Variants in DGKI observed in about 807,000 individuals in gnomAD.
DGKI encodes the protein DAG kinase iota.
Under a neutral mutation model 147.5 loss-of-function variants are expected in DGKI, and 55 were observed. That is an observed-to-expected ratio of 0.37 (90% confidence interval 0.30 to 0.47). DGKI has a LOEUF of 0.47. DGKI is among the 20% of genes least tolerant of loss of function. The pLI, the probability that DGKI is intolerant of heterozygous loss-of-function variation, is 1.00. For synonymous variants in DGKI, 469 were observed against 477.1 expected (o/e 0.98, Z 0.22); for missense variants, 1,007 against 1,323.8 (o/e 0.76, Z 3.71).
At chr7:137,584,345 G>C (rs1470044805) in intron 14 of DGKI, among the ~76,000 whole-genome samples, 2 of 152,160 alleles carry the variant, frequency 1.3e-5, no homozygotes, top group Non-Finnish European at 2.9e-5. Flanking sequence ...GAGGGAAGTG[G>C]CTACTCAGAA....
At chr7:137,729,071 G>A (rs3800639) in intron 1 of DGKI, among the ~76,000 whole-genome samples, 34,467 of 151,886 alleles carry the variant, frequency 0.23, 7,346 homozygotes, top group African/African-American at 0.56. Context: ...CAAAAAAGAT[G>A]GCTGTTCATA....
At chr7:137,399,249 C>T (rs1227918373) in intron 30 of DGKI, among the ~76,000 whole-genome samples, 2 of 152,108 alleles carry the variant, frequency 1.3e-5, no homozygotes, top group African/African-American at 2.4e-5. Context: ...TGAATGCATG[C>T]CTTCCATAAA....
intron 1 of DGKI, among the ~76,000 whole-genome samples, chr7:137,763,267 T>C (rs1036604683): frequency 3.3e-5 from 5 of 152,234 alleles, no homozygotes; most frequent in African/African-American, 1.2e-4. Flanking sequence ...TCTGACTATC[T>C]GACTGTCCTA....
chr7:137,567,784 GTTA>G (rs1352527473), intron 19 of DGKI, among the ~76,000 whole-genome samples: 2 of 152,056 alleles, frequency 1.3e-5, no homozygotes, highest in African/African-American at 4.8e-5. Flanking sequence ...ATAATATACT[GTTA>G]TTGTGGTTGT....
At chr7:137,582,434 C>CTCTCTATA (rs954743154) in intron 14 of DGKI, among the ~76,000 whole-genome samples, 165 of 148,432 alleles carry the variant, frequency 1.1e-3, no homozygotes, top group African/African-American at 3.7e-3. Flanking sequence ...CTCTCTCTCT[C>CTCTCTATA]TATATATATA....
At chr7:137,415,883 G>C (rs1247540265) in intron 28 of DGKI, among the ~76,000 whole-genome samples, 1 of 152,106 alleles carries the variant, frequency 6.6e-6, no homozygotes, top group Non-Finnish European at 1.5e-5. Context: ...CAGCTACTCA[G>C]GAGGCTGAGG....
intron 27 of DGKI, among the ~76,000 whole-genome samples, chr7:137,449,811 T>C (rs1353576972): frequency 1.3e-5 from 2 of 152,224 alleles, no homozygotes; most frequent in Non-Finnish European, 2.9e-5. Context: ...GAAACCAGCA[T>C]GCTGAAAAGA....
intron 3 of DGKI, among the ~76,000 whole-genome samples, chr7:137,675,421 A>G (rs1622443): frequency 0.41 from 59,258 of 145,896 alleles, 12,038 homozygotes; most frequent in African/African-American, 0.58. Context: ...GTGGTAGCTC[A>G]TGCCTGTAAT....
chr7:137,796,498 T>TA (rs112496670), intron 1 of DGKI, among the ~76,000 whole-genome samples: 35 of 142,424 alleles, frequency 2.5e-4, no homozygotes, highest in East Asian at 1.0e-3. Flanking sequence ...AAACTCCATT[T>TA]AAAAAAAAAA....
chr7:137,678,697 GA>G, intron 2 of DGKI, 45 bp from the exon 3 acceptor site: 1 of 1,540,258 alleles, frequency 6.5e-7, no homozygotes, highest in Non-Finnish European at 9.0e-7. Flanking sequence ...TTTTTCCAGG[GA>G]TAAGGAAAAC....
chr7:137,715,804 A>C (rs1417897051), intron 1 of DGKI, among the ~76,000 whole-genome samples: 3 of 152,192 alleles, frequency 2.0e-5, no homozygotes, highest in Non-Finnish European at 4.4e-5. Flanking sequence ...GTATTGTCTC[A>C]GAAAGGGAGT....
intron 1 of DGKI, among the ~76,000 whole-genome samples, chr7:137,792,790 A>G (rs1365738355): frequency 2.0e-5 from 3 of 152,162 alleles, no homozygotes; most frequent in Admixed American, 6.5e-5. Context: ...CTCTTTCACC[A>G]TGTGACATGT....
chr7:137,412,151 T>C lies in DGKI; in HGVS notation c.2799+19A>G, dbSNP rs750746689. ...AGTTCTTAAAGCATCGCCAAAGATT[T>C]GGTAGGAAGATATCTTACCTTCATA... On this transcript the variant is annotated intron_variant, in intron 29 of 32. Coordinates refer to ENST00000614521, the MANE Select transcript of DGKI (RefSeq NM_001321708.2). 6.2e-7 allele frequency: 1 copy of C among 1,611,794 alleles called. No individual in the cohort carries two copies.
In DGKI at chr7:137,528,732, A is replaced by G. The variant is rs555122801; in HGVS notation, c.2148-6766T>C. ...ATTCCATCTAATTCTATACGCCCCTATGACTGCATCTTCAAGTGGCTATTC... is the reference window on the plus strand; with the variant it reads ...ATTCCATCTAATTCTATACGCCCCTGTGACTGCATCTTCAAGTGGCTATTC... On this transcript the variant is annotated intron_variant, in intron 20 of 32. Coordinates refer to ENST00000614521, the MANE Select transcript of DGKI (RefSeq NM_001321708.2). 2.6e-5 allele frequency among the ~76,000 whole-genome samples: 4 copies of G among 152,246 alleles called. No individual in the cohort carries two copies. In the East Asian group the frequency reaches 5.8e-4, roughly 22 times the overall value.
chr7:137,826,688 A>G (rs1798067025), intron 1 of DGKI, among the ~76,000 whole-genome samples: 1 of 152,110 alleles, frequency 6.6e-6, no homozygotes, highest in South Asian at 2.1e-4. Flanking sequence ...TTTGTTTTTT[A>G]AAGTCCAGTG....
intron 1 of DGKI, among the ~76,000 whole-genome samples, chr7:137,767,522 GAA>G: frequency 1.3e-5 from 2 of 148,772 alleles, no homozygotes; most frequent in African/African-American, 2.5e-5. Context: ...GAAGAGAAGA[GAA>G]GAGAAGAGTA....
chr7:137,448,468 G>A (rs1045381558), intron 27 of DGKI, among the ~76,000 whole-genome samples: 1 of 146,926 alleles, frequency 6.8e-6, no homozygotes, highest in Non-Finnish European at 1.5e-5. Flanking sequence ...ATAAATCTTC[G>A]TGTAATTTAG....
At chr7:137,660,822 T>C (rs554255232) in intron 3 of DGKI, among the ~76,000 whole-genome samples, 38 of 138,610 alleles carry the variant, frequency 2.7e-4, no homozygotes, top group African/African-American at 1.0e-3. Context: ...AAAATAAAGA[T>C]GAAAAAGAGG....
intron 1 of DGKI, among the ~76,000 whole-genome samples, chr7:137,808,429 G>C (rs901162090): frequency 6.6e-6 from 1 of 152,160 alleles, no homozygotes; most frequent in South Asian, 2.1e-4. Flanking sequence ...AGGTCCCCAA[G>C]AGGGAAGACT....
Sources: gnomAD v4.1 joint callset for allele counts (sites outside exome capture counted in the v4.1 genomes callset) on GRCh38, gnomAD v4.1.1 for gene constraint, MANE v1.5 for transcripts, NCBI Gene and HGNC (gene_info 2026-07-23, HGNC 2026-07-21) for gene names.